Variants in KIF13A observed in about 807,000 individuals in gnomAD.
KIF13A encodes kinesin-like protein KIF13A.
Under a neutral mutation model 212.2 loss-of-function variants are expected in KIF13A, and 79 were observed. The ratio of observed to expected loss-of-function variants is 0.37; its 90% CI spans 0.31 to 0.45. The LOEUF (loss-of-function observed/expected upper bound fraction) is 0.45, where lower values mean the gene tolerates loss of function less well. KIF13A is among the 20% of genes least tolerant of loss of function. The pLI is 1.00. For missense variants in KIF13A, 1,901 were observed against 2,209.0 expected (o/e 0.86, Z 2.79); for synonymous variants, 789 against 808.6 (o/e 0.98, Z 0.41).
At chr6:17,848,558 C>CTTTTTTTTTTTTTTTTTTTTTTTTTT (rs66477046) in intron 9 of KIF13A, among the ~76,000 whole-genome samples, 2 of 68,896 alleles carry the variant, frequency 2.9e-5, no homozygotes, top group Non-Finnish European at 2.7e-5. Flanking sequence ...ACTCGTACAT[C>CTTTTTTTTTTTTTTTTTTTTTTTTTT]TTTTTTTTTT....
At chr6:17,767,322 T>C (rs1759090216) in intron 38 of KIF13A, among the ~76,000 whole-genome samples, 2 of 152,034 alleles carry the variant, frequency 1.3e-5, no homozygotes, top group Admixed American at 1.3e-4. Context: ...TGGCGCGATC[T>C]TGGATCACTG....
intron 2 of KIF13A, among the ~76,000 whole-genome samples, chr6:17,928,467 G>C (rs957464264): frequency 3.3e-5 from 5 of 152,114 alleles, no homozygotes; most frequent in African/African-American, 1.2e-4. Flanking sequence ...CCACATCAGA[G>C]GCCACCACCA....
intron 2 of KIF13A, among the ~76,000 whole-genome samples, chr6:17,936,697 A>G (rs2150547211): frequency 6.6e-6 from 1 of 152,366 alleles, no homozygotes; most frequent in East Asian, 1.9e-4. Flanking sequence ...ACAAGTTAAC[A>G]AACATCATAA....
intron 2 of KIF13A, among the ~76,000 whole-genome samples, chr6:17,924,944 T>C (rs1775368811): frequency 6.6e-6 from 1 of 152,238 alleles, no homozygotes; most frequent in Non-Finnish European, 1.5e-5. Flanking sequence ...CACCATATGA[T>C]GGGCAATATC....
chr6:17,805,155 C>G (rs549439752), intron 19 of KIF13A, among the ~76,000 whole-genome samples: 31 of 152,148 alleles, frequency 2.0e-4, no homozygotes, highest in African/African-American at 7.2e-4. Context: ...TTCACAGCAC[C>G]GATAAAATGG....
intron 3 of KIF13A, among the ~76,000 whole-genome samples, chr6:17,889,677 A>C (rs1052400318): frequency 6.6e-6 from 1 of 152,154 alleles, no homozygotes; most frequent in Non-Finnish European, 1.5e-5. Context: ...GTATCCTTGG[A>C]GACTGGTTCC....
intron 20 of KIF13A, among the ~76,000 whole-genome samples, chr6:17,802,882 G>T (rs932592044): frequency 9.9e-5 from 15 of 151,384 alleles, no homozygotes; most frequent in African/African-American, 3.6e-4. Context: ...TAGCTGGTGG[G>T]ACTATAGGTG....
At chr6:17,974,230 C>G (rs865965497) in intron 2 of KIF13A, among the ~76,000 whole-genome samples, 1 of 152,150 alleles carries the variant, frequency 6.6e-6, no homozygotes, top group Non-Finnish European at 1.5e-5. Context: ...TACAGGCACA[C>G]GCCAACATGC....
chr6:17,779,190 A>G, intron 32 of KIF13A, 91 bp from the exon 33 acceptor site: 1 of 930,288 alleles, frequency 1.1e-6, no homozygotes, highest in Non-Finnish European at 1.7e-6. Flanking sequence ...AGTCTGGAGA[A>G]TGAACACATT....
At chr6:17,853,306 T>C (rs939698074) in intron 6 of KIF13A, among the ~76,000 whole-genome samples, 1 of 152,160 alleles carries the variant, frequency 6.6e-6, no homozygotes, top group African/African-American at 2.4e-5. Context: ...GATTCTATAA[T>C]GCTATTCAGC....
At chr6:17,812,621 T>C (rs959609039) in intron 17 of KIF13A, 2 of 152,218 alleles carry the variant, frequency 1.3e-5, no homozygotes, top group Non-Finnish European at 2.9e-5. Flanking sequence ...CTATTGTGAA[T>C]AGCACTGCAA....
At chr6:17,797,313 G>A (rs900675417) in intron 22 of KIF13A, among the ~76,000 whole-genome samples, 1 of 151,954 alleles carries the variant, frequency 6.6e-6, no homozygotes, top group East Asian at 1.9e-4. Context: ...ACAGGTGTGA[G>A]CCACCATGCC....
intron 2 of KIF13A, among the ~76,000 whole-genome samples, chr6:17,920,867 A>G (rs6459578): frequency 6.7e-6 from 1 of 148,468 alleles, no homozygotes; most frequent in African/African-American, 2.5e-5. Flanking sequence ...GGGCAGGACT[A>G]TGTCTCAAAA....
intron 11 of KIF13A, 114 bp downstream of exon 11, chr6:17,836,764 G>T: frequency 2.2e-6 from 2 of 902,818 alleles, no homozygotes; most frequent in Non-Finnish European, 3.5e-6. Flanking sequence ...TTTGGGTAGA[G>T]ACATAAATCG....
Position 17,967,081 on chromosome 6 carries a change from AG to A in KIF13A, c.146+19972del, listed in dbSNP as rs1169928189. On this transcript the variant is annotated intron_variant, in intron 2 of 38. Transcript: ENST00000259711. This position sits in a 1 kb window ranked among gnomAD's most constrained non-coding sequence, Gnocchi z 4.1. ...CCCTTTTGGTATTATGCACTTTCTC[AG>A]GGGAAAAGTAATCCGAGGAGATAAA... 3.9e-5 allele frequency among the ~76,000 whole-genome samples: 6 copies of A among 152,360 alleles called. No individual in the cohort carries two copies. The highest frequency in any genetic ancestry group is 7.3e-5 in the Non-Finnish European group (5 of 68,030).
Position 17,926,505 on chromosome 6 carries a change from T to C in KIF13A, c.147-28325A>G, listed in dbSNP as rs932408612. On this transcript the variant is annotated intron_variant, in intron 2 of 38. Transcript: ENST00000259711. This position sits in a 1 kb window ranked among gnomAD's most constrained non-coding sequence, Gnocchi z 4.3. Reference sequence around the variant, plus strand: ...CCTCGGCCTCCCAAAGTGCTGGTATTACAGGTGTGAGCCACCATGCCTGGC... The same window carrying C: ...CCTCGGCCTCCCAAAGTGCTGGTATCACAGGTGTGAGCCACCATGCCTGGC... Among the ~76,000 whole-genome samples, 2 of 152,176 alleles carry C rather than the reference T, an allele frequency of 1.3e-5. No individual in the cohort carries two copies. The highest frequency in any genetic ancestry group is 2.9e-5 in the Non-Finnish European group (2 of 68,044).
At chr6:17,903,463 T>C (rs970933976) in intron 2 of KIF13A, among the ~76,000 whole-genome samples, 14 of 152,308 alleles carry the variant, frequency 9.2e-5, no homozygotes, top group Non-Finnish European at 1.9e-4. Flanking sequence ...TGACATAGTA[T>C]GGCTAGAATT....
At chr6:17,976,242 C>T (rs959712304) in intron 2 of KIF13A, among the ~76,000 whole-genome samples, 4 of 152,216 alleles carry the variant, frequency 2.6e-5, no homozygotes, top group East Asian at 1.9e-4. Flanking sequence ...AAGGGGCCGG[C>T]GCTCGTCAGG....
chr6:17,987,365 C>A lies in KIF13A; in HGVS notation c.55+44G>T, dbSNP rs749567790. The A allele has an allele frequency of 4.6e-6, 6 of 1,294,152 alleles. No individual in the cohort carries two copies. Among genetic ancestry groups the A allele is most frequent in the Non-Finnish European group, 6.1e-6 (6 of 983,998 alleles). 80.2% of individuals were successfully genotyped at this position (1,294,152 alleles called of 1,614,324 possible). A position where few individuals can be genotyped will look rare whatever the true frequency, so the allele number is the denominator to read the frequency against. On this transcript the variant is annotated intron_variant, in intron 1 of 38. Coordinates refer to ENST00000259711, the MANE Select transcript of KIF13A (RefSeq NM_022113.6). The surrounding 1 kb of genome is among the most constrained non-coding windows in gnomAD (Gnocchi z 7.7). Reference sequence around the variant, plus strand: ...CCCGCAGTTTCTAAAGTTGCCCCCGCCCTCAGCCCGAGCAGAAATAAAAAA... The same window carrying A: ...CCCGCAGTTTCTAAAGTTGCCCCCGACCTCAGCCCGAGCAGAAATAAAAAA...
Sources: allele counts gnomAD v4.1 joint callset (sites outside exome capture counted in the v4.1 genomes callset), GRCh38; gene constraint gnomAD v4.1.1; non-coding constraint Gnocchi (gnomAD v3.1); transcripts MANE v1.5; gene names NCBI Gene and HGNC (gene_info 2026-07-23, HGNC 2026-07-21).